Variants in PLOD2 observed in about 807,000 individuals in gnomAD.
PLOD2 encodes lysine hydroxylase 2.
A neutral mutation model predicts 101.0 loss-of-function variants in PLOD2; 65 were observed. The ratio of observed to expected loss-of-function variants is 0.64; its 90% CI spans 0.53 to 0.79. PLOD2 has a LOEUF of 0.79. PLOD2 is among the 30% of genes least tolerant of loss of function. The probability of loss-of-function intolerance (pLI) is 0.00; values close to 1 mark genes in which losing one functional copy is unlikely to be tolerated. For synonymous variants in PLOD2, 314 were observed against 302.9 expected (o/e 1.04, Z -0.38); for missense variants, 909 against 914.6 (o/e 0.99, Z 0.08).
At chr3:146,115,016 C>G (rs1403302121) in intron 3 of PLOD2, among the ~76,000 whole-genome samples, 1 of 152,036 alleles carries the variant, frequency 6.6e-6, no homozygotes, top group Non-Finnish European at 1.5e-5. Context: ...GAAAACAAAA[C>G]AAAACAAAAA....
In PLOD2 at chr3:146,079,027, C is replaced by T. The variant is rs976783259; in HGVS notation, c.1500+89G>A. 3.7e-6 allele frequency: 5 copies of T among 1,352,728 alleles called. No homozygotes were observed. The African/African-American group carries it at 7.2e-5, about 19-fold the overall frequency. 83.8% of individuals were successfully genotyped at this position (1,352,728 alleles called of 1,614,324 possible). On this transcript the variant is annotated intron_variant, in intron 13 of 19. Coordinates refer to ENST00000282903, the MANE Select transcript of PLOD2 (RefSeq NM_182943.3). ...GGCTAGTACTTACAAATTAGCAAGACAAAGGGCATCAAAACACAGTGACAC... is the reference window on the plus strand; with the variant it reads ...GGCTAGTACTTACAAATTAGCAAGATAAAGGGCATCAAAACACAGTGACAC...
chr3:146,121,495 G>T (rs1018618986), intron 2 of PLOD2, among the ~76,000 whole-genome samples: 1 of 151,972 alleles, frequency 6.6e-6, no homozygotes, highest in Admixed American at 6.6e-5. Context: ...CTAATCCAAG[G>T]AAGTAGACCC....
chr3:146,129,861 A>C (rs2030803392), intron 1 of PLOD2, among the ~76,000 whole-genome samples: 1 of 152,110 alleles, frequency 6.6e-6, no homozygotes, highest in Non-Finnish European at 1.5e-5. Flanking sequence ...AGCTATAATA[A>C]CTCTAACTCA....
At chr3:146,139,511 TA>T (rs1272636447) in intron 1 of PLOD2, among the ~76,000 whole-genome samples, 8 of 152,300 alleles carry the variant, frequency 5.3e-5, no homozygotes, top group Admixed American at 6.6e-5. Context: ...GGTAGCGTTA[TA>T]AACGCCAACT....
At chr3:146,148,929 T>C (rs557109174) in intron 1 of PLOD2, among the ~76,000 whole-genome samples, 1 of 152,316 alleles carries the variant, frequency 6.6e-6, no homozygotes, top group East Asian at 1.9e-4. Context: ...GATATTCCAT[T>C]TGTTACGGTT....
At position 146,106,513 on chromosome 3, in the gene PLOD2, A is replaced by T. The variant is rs925877618; in HGVS notation, c.615+19T>A. Reference sequence around the variant, plus strand: ...AACAACCAAATCAATAAAACAAAAAAATTGCAGCTGTTACACACCCTTTTC... The same window carrying T: ...AACAACCAAATCAATAAAACAAAAATATTGCAGCTGTTACACACCCTTTTC... On this transcript the variant is annotated intron_variant, in intron 5 of 19. Coordinates refer to ENST00000282903, the MANE Select transcript of PLOD2 (RefSeq NM_182943.3). The T allele has an allele frequency of 1.8e-6, 2 of 1,135,178 alleles. No individual in the cohort carries two copies. Among genetic ancestry groups the T allele is most frequent in the Non-Finnish European group, 2.7e-6 (2 of 742,678 alleles). 70.3% of individuals were successfully genotyped at this position (1,135,178 alleles called of 1,614,324 possible).
At position 146,089,559 on chromosome 3, in the gene PLOD2, T is replaced by A. The variant is rs556308771; in HGVS notation, c.880-848A>T. Among the ~76,000 whole-genome samples the A allele has an allele frequency of 1.6e-4, 24 of 151,738 alleles. No individual in the cohort carries two copies. In the South Asian group the frequency reaches 4.1e-3, roughly 26 times the overall value. ...AGTCTGAACAAAAGAATTACAAATA[T>A]TTTTAAATACCTTATACATTAAGTG... On this transcript the variant is annotated intron_variant, in intron 8 of 19. Coordinates refer to ENST00000282903, the MANE Select transcript of PLOD2 (RefSeq NM_182943.3).
chr3:146,112,579 A>G (rs148697597), intron 3 of PLOD2, among the ~76,000 whole-genome samples: 24 of 152,176 alleles, frequency 1.6e-4, no homozygotes, highest in Admixed American at 3.9e-4. Context: ...GAGGCCGGGC[A>G]CAGTGGCTCA....
intron 1 of PLOD2, among the ~76,000 whole-genome samples, chr3:146,129,121 TGACCA>T (rs1457958629): frequency 6.6e-6 from 1 of 152,090 alleles, no homozygotes; most frequent in Non-Finnish European, 1.5e-5. Flanking sequence ...ACTGATTTTA[TGACCA>T]GACATGTCTT....
At chr3:146,114,013 T>G (rs891073355) in intron 3 of PLOD2, among the ~76,000 whole-genome samples, 3 of 152,130 alleles carry the variant, frequency 2.0e-5, no homozygotes, top group Non-Finnish European at 4.4e-5. Context: ...CTTACACGGT[T>G]GCAGATAAGG....
At chr3:146,158,164 T>A (rs2032392724) in intron 1 of PLOD2, among the ~76,000 whole-genome samples, 1 of 151,990 alleles carries the variant, frequency 6.6e-6, no homozygotes, top group South Asian at 2.1e-4. Flanking sequence ...CCTTATCCCA[T>A]CTAGAAGGCA....
chr3:146,103,294 T>G (rs1937455582), intron 6 of PLOD2, among the ~76,000 whole-genome samples: 1 of 152,188 alleles, frequency 6.6e-6, no homozygotes, highest in Admixed American at 6.5e-5. Context: ...TAGAATATTG[T>G]CTGGCATAAG....
chr3:146,121,223 C>A lies in PLOD2; in HGVS notation c.227G>T (p.Arg76Ile). Residue 76 changes from arginine (R) to isoleucine (I), a missense_variant, in exon 3 of 20, where the codon AGA becomes ATA. Arg to Ile is a moderately conservative substitution (Grantham distance 97). Coordinates refer to ENST00000282903, the MANE Select transcript of PLOD2 (RefSeq NM_182943.3). ...VKVLGQGEEW[R>I]GGDGINSIGG... ...AATACTATTAATTCCATCACCACCT[C>A]TCCATTCTTCTCCTTGACCAAGGAC... is the stretch of plus-strand genomic sequence containing the variant. 1 of 1,611,582 alleles carries A rather than the reference C, an allele frequency of 6.2e-7. No individual in the cohort carries two copies. The highest frequency in any genetic ancestry group is 1.1e-5 in the South Asian group (1 of 91,028).
chr3:146,145,906 A>G (rs1322257324), intron 1 of PLOD2, among the ~76,000 whole-genome samples: 1 of 152,222 alleles, frequency 6.6e-6, no homozygotes, highest in African/African-American at 2.4e-5. Context: ...AAATGAATGA[A>G]TAAGTCAAAC....
At chr3:146,077,759 A>C in intron 14 of PLOD2, 103 bp downstream of exon 14, 3 of 673,240 alleles carry the variant, frequency 4.5e-6, no homozygotes, top group Non-Finnish European at 7.7e-6. Flanking sequence ...ACATTTTACC[A>C]AGCTAAATGC....
intron 2 of PLOD2, among the ~76,000 whole-genome samples, chr3:146,122,469 T>A (rs923829180): frequency 2.6e-5 from 4 of 152,142 alleles, no homozygotes; most frequent in Non-Finnish European, 5.9e-5. Flanking sequence ...ACACTAGTGG[T>A]TGTCAAATTT....
rs752952265 is a variant in PLOD2 at position 146,072,588 on chromosome 3, G to A, written c.1821C>T (p.Tyr607=). 8 of 1,608,502 alleles carry A rather than the reference G, an allele frequency of 5.0e-6. No homozygotes were observed. The highest frequency in any genetic ancestry group is 1.7e-5 in the Admixed American group (1 of 59,702). The change falls in exon 17 of 20, where the codon TAC becomes TAT. Residue 607 remains tyrosine (Y), a synonymous_variant. Coordinates refer to ENST00000282903, the MANE Select transcript of PLOD2 (RefSeq NM_182943.3). ...GATGTTTTCCCCCAGACCATTTGCC[G>A]TAATGTTCCATTTCTTCTACCAATT... ...CDELVEEMEH[Y]GKWSGGKHHD...
At position 146,110,439 on chromosome 3, in the gene PLOD2, G is replaced by C; in HGVS notation, c.348C>G (p.Val116=). The C allele has an allele frequency of 6.2e-7, 1 of 1,611,336 alleles. No individual in the cohort carries two copies. Among genetic ancestry groups the C allele is most frequent in the Admixed American group, 1.7e-5 (1 of 59,654 alleles). ...LVVMFTECFD[V]IFAGGPEEVL... ...CTTCTTCTGGACCACCAGCAAATAT[G>C]ACATCAAAGCTGTTCAATGAGGAAA... The change falls in exon 4 of 20, where the codon GTC becomes GTG. Residue 116 remains valine, a synonymous_variant. Transcript: ENST00000282903.
intron 8 of PLOD2, among the ~76,000 whole-genome samples, chr3:146,091,171 C>G (rs1157965002): frequency 4.6e-5 from 7 of 151,694 alleles, no homozygotes; most frequent in Non-Finnish European, 7.4e-5. Context: ...ATACACATCA[C>G]ACAGGTAAAA....
Sources: gnomAD v4.1 joint callset for allele counts (sites outside exome capture counted in the v4.1 genomes callset) on GRCh38, gnomAD v4.1.1 for gene constraint, MANE v1.5 for transcripts, NCBI Gene and HGNC (gene_info 2026-07-23, HGNC 2026-07-21) for gene names.